TBC1D14: variants seen among roughly 807,000 people sequenced by gnomAD.
TBC1D14 encodes the protein TBC1 domain family member 14, also known as TBC1 domain family, member 14.
A neutral mutation model predicts 79.0 loss-of-function variants in TBC1D14; 26 were observed. That is an observed-to-expected ratio of 0.33 (90% CI 0.24 to 0.46). The LOEUF (loss-of-function observed/expected upper bound fraction) is 0.46. Among genes scored for constraint, TBC1D14 ranks in the 20% least tolerant of loss-of-function variants. The pLI is 1.00. For synonymous variants in TBC1D14, 394 were observed against 349.9 expected (o/e 1.13, Z -1.40); for missense variants, 769 against 887.6 (o/e 0.87, Z 1.70).
At chr4:6,927,048 T>C (rs138614530) in intron 2 of TBC1D14, among the ~76,000 whole-genome samples, 1,678 of 152,260 alleles carry the variant, frequency 0.011, 15 homozygotes, top group Middle Eastern at 0.037. Flanking sequence ...GGGATGACCT[T>C]GGCTGCTTGA....
intron 2 of TBC1D14, among the ~76,000 whole-genome samples, chr4:6,962,159 G>C (rs1332716066): frequency 1.3e-5 from 2 of 152,180 alleles, no homozygotes; most frequent in East Asian, 3.9e-4. Flanking sequence ...CTGGACGAAG[G>C]GGCTAGGTAG....
At chr4:6,963,269 A>C (rs1173683995) in intron 2 of TBC1D14, among the ~76,000 whole-genome samples, 1 of 152,226 alleles carries the variant, frequency 6.6e-6, no homozygotes, top group Non-Finnish European at 1.5e-5. Context: ...TGAGTGTCAG[A>C]GATGGTGGCT....
intron 5 of TBC1D14, 181 bp from the exon 6 acceptor site, chr4:6,998,904 G>A: frequency 1.7e-6 from 1 of 590,258 alleles, no homozygotes; most frequent in Non-Finnish European, 3.0e-6. Flanking sequence ...GCTTACTAAA[G>A]GGTGGATAAT....
At chr4:7,009,796 C>A in intron 9 of TBC1D14, 81 bp from the exon 10 acceptor site, 1 of 1,377,578 alleles carries the variant, frequency 7.3e-7, no homozygotes, top group Non-Finnish European at 1.0e-6. Context: ...GTGGCAGCGG[C>A]AGCAGTAGTA....
In TBC1D14 at chr4:6,967,199, G is replaced by C. The variant is rs1209512741; in HGVS notation, c.723-105G>C. 12 of 1,398,732 alleles carry C rather than the reference G, an allele frequency of 8.6e-6. No homozygotes were observed. In the East Asian group the frequency reaches 2.5e-4, roughly 30 times the overall value. 86.6% of individuals were successfully genotyped at this position (1,398,732 alleles called of 1,614,324 possible). On this transcript the variant is annotated intron_variant, in intron 2 of 13. Coordinates refer to ENST00000409757, the MANE Select transcript of TBC1D14 (RefSeq NM_020773.3). ...TCAAGTCTGAAGAATTAAAGTACGTGGTTCTCAGAGGAAAGCTGACTTGTT... is the reference window on the plus strand; with the variant it reads ...TCAAGTCTGAAGAATTAAAGTACGTCGTTCTCAGAGGAAAGCTGACTTGTT...
chr4:6,926,490 T>G (rs1406550433), intron 2 of TBC1D14, among the ~76,000 whole-genome samples: 1 of 152,254 alleles, frequency 6.6e-6, no homozygotes, highest in Admixed American at 6.5e-5. Flanking sequence ...GTGTCTCTTC[T>G]TTTATTCCTT....
At chr4:6,952,408 C>T (rs1714123076) in intron 2 of TBC1D14, among the ~76,000 whole-genome samples, 1 of 152,228 alleles carries the variant, frequency 6.6e-6, no homozygotes, top group African/African-American at 2.4e-5. Context: ...ATGTTGGCTG[C>T]CCTGGGGCAG....
intron 3 of TBC1D14, among the ~76,000 whole-genome samples, chr4:6,977,610 C>T (rs62289198): frequency 0.16 from 23,715 of 144,290 alleles, 2,509 homozygotes; most frequent in East Asian, 0.34. Flanking sequence ...AGCCTCTCTG[C>T]CTGGCTACCC....
chr4:7,028,009 C>T (rs1348866263), intron 13 of TBC1D14, among the ~76,000 whole-genome samples: 3 of 143,914 alleles, frequency 2.1e-5, no homozygotes, highest in African/African-American at 7.8e-5. Flanking sequence ...CACATCACCC[C>T]ACACACACCC....
chr4:6,949,891 T>G (rs1371390853), intron 2 of TBC1D14, among the ~76,000 whole-genome samples: 1 of 152,092 alleles, frequency 6.6e-6, no homozygotes, highest in Non-Finnish European at 1.5e-5. Context: ...GTAAATGCAG[T>G]GAATTTTTTT....
At chr4:7,003,847 A>C (rs1309569094) in intron 7 of TBC1D14, among the ~76,000 whole-genome samples, 1 of 152,120 alleles carries the variant, frequency 6.6e-6, no homozygotes, top group Non-Finnish European at 1.5e-5. Context: ...ACTAAAAAAA[A>C]TAAAAAATTC....
At chr4:6,950,614 G>A (rs187914407) in intron 2 of TBC1D14, among the ~76,000 whole-genome samples, 26 of 152,238 alleles carry the variant, frequency 1.7e-4, no homozygotes, top group Admixed American at 1.6e-3. Context: ...TTTAGTCCTA[G>A]TAAAGGTGTT....
intron 2 of TBC1D14, among the ~76,000 whole-genome samples, chr4:6,925,887 CAT>C (rs1457548525): frequency 1.3e-5 from 2 of 152,212 alleles, no homozygotes; most frequent in Non-Finnish European, 2.9e-5. Flanking sequence ...TCCATCCAGA[CAT>C]ACAGAATCAG....
intron 12 of TBC1D14, among the ~76,000 whole-genome samples, chr4:7,024,195 G>A (rs1722107253): frequency 6.6e-6 from 1 of 152,200 alleles, no homozygotes; most frequent in Non-Finnish European, 1.5e-5. Flanking sequence ...GAAAGTCAGG[G>A]TCACACTGTG....
intron 9 of TBC1D14, among the ~76,000 whole-genome samples, chr4:7,009,595 G>A (rs1046357984): frequency 2.0e-5 from 3 of 152,218 alleles, no homozygotes; most frequent in East Asian, 1.9e-4. Context: ...CAGTTATACA[G>A]CAGGAGCCAA....
At chr4:6,929,279 G>A (rs535956942) in intron 2 of TBC1D14, among the ~76,000 whole-genome samples, 5 of 152,252 alleles carry the variant, frequency 3.3e-5, no homozygotes, top group South Asian at 4.1e-4. Context: ...GAGTTGCGGC[G>A]ATGAAAGGAC....
rs35809432 is a variant in TBC1D14 at position 6,986,910 on chromosome 4, A to G, written c.844-7274A>G. Among the ~76,000 whole-genome samples, 786 of 152,300 alleles carry G rather than the reference A, an allele frequency of 5.2e-3. 6 individuals carry two copies. The highest frequency in any genetic ancestry group is 0.018 in the African/African-American group (756 of 41,576). The stretch of plus-strand genomic sequence containing the variant: ...CGGTAGCCCGTAAAAACTGCTCACA[A>G]TCACCCCGCCACCCAGAGCTCACTA... On this transcript the variant is annotated intron_variant, in intron 3 of 13. Coordinates refer to ENST00000409757, the MANE Select transcript of TBC1D14 (RefSeq NM_020773.3).
chr4:6,978,217 GC>G (rs1170758388), intron 3 of TBC1D14, among the ~76,000 whole-genome samples: 3 of 151,754 alleles, frequency 2.0e-5, no homozygotes, highest in African/African-American at 7.3e-5. Flanking sequence ...CCTCTGCCCG[GC>G]CACCACCCCG....
At chr4:6,993,610 C>T (rs1170428681) in intron 3 of TBC1D14, among the ~76,000 whole-genome samples, 2 of 152,180 alleles carry the variant, frequency 1.3e-5, no homozygotes, top group African/African-American at 2.4e-5. Context: ...GTTTGAGGGC[C>T]CTCCTCAAAG....
Sources: allele counts gnomAD v4.1 joint callset (sites outside exome capture counted in the v4.1 genomes callset), GRCh38; gene constraint gnomAD v4.1.1; transcripts MANE v1.5; gene names NCBI Gene and HGNC (gene_info 2026-07-23, HGNC 2026-07-21).